The following CHRM3 variants were observed in gnomAD, a reference collection of about 807,000 sequenced individuals.
CHRM3 encodes the protein muscarinic acetylcholine receptor M3.
CHRM3 carries 11 observed loss-of-function variants against 41.8 expected under a neutral mutation model. That is an observed-to-expected ratio of 0.26 (90% CI 0.17 to 0.44). CHRM3 has a LOEUF of 0.44. Among genes scored for constraint, CHRM3 ranks in the 20% least tolerant of loss-of-function variants. The pLI is 1.00. For missense variants in CHRM3, 571 were observed against 745.4 expected, an observed-to-expected ratio of 0.77 and a Z score of 2.72; for synonymous variants, 297 against 301.4, an observed-to-expected ratio of 0.99 and a Z score of 0.15.
chr1:239,834,309 C>G (rs995332756), intron 6 of CHRM3, among the ~76,000 whole-genome samples: 5 of 139,464 alleles, frequency 3.6e-5, no homozygotes, highest in African/African-American at 1.4e-4. Flanking sequence ...CAACTTAATG[C>G]CTTTTTTTTT....
intron 1 of CHRM3, among the ~76,000 whole-genome samples, chr1:239,422,927 G>C (rs1417282487): frequency 6.6e-6 from 1 of 152,178 alleles, no homozygotes; most frequent in African/African-American, 2.4e-5. Context: ...TCACTGGGGA[G>C]ATAGTTTTGC....
intron 4 of CHRM3, among the ~76,000 whole-genome samples, chr1:239,649,821 T>A (rs763126319): frequency 6.6e-6 from 1 of 152,134 alleles, no homozygotes; most frequent in Non-Finnish European, 1.5e-5. Context: ...GGTGAAGAGA[T>A]AAGGATAATC....
chr1:239,645,070 T>C (rs184372326), intron 4 of CHRM3, among the ~76,000 whole-genome samples: 79 of 152,336 alleles, frequency 5.2e-4, no homozygotes, highest in Non-Finnish European at 9.8e-4. Flanking sequence ...AGTCTATGGC[T>C]GGGCACTGAA....
chr1:239,893,546 C>T (rs781122745), intron 6 of CHRM3, among the ~76,000 whole-genome samples: 5 of 152,066 alleles, frequency 3.3e-5, no homozygotes, highest in Non-Finnish European at 5.9e-5. Flanking sequence ...AAGTGGAAAT[C>T]ATAACAGTCC....
intron 5 of CHRM3, chr1:239,707,899 A>G (rs1344287979): frequency 6.6e-6 from 1 of 152,240 alleles, no homozygotes; most frequent in Non-Finnish European, 1.5e-5. Flanking sequence ...TTGGCCTTGA[A>G]ACAATCTTTC....
At chr1:239,434,483 C>T (rs6699243) in intron 1 of CHRM3, among the ~76,000 whole-genome samples, 87,502 of 151,994 alleles carry the variant, frequency 0.58, 25,562 homozygotes, top group African/African-American at 0.64. Context: ...TCCAAGAACA[C>T]TGTGTGCGTG....
chr1:239,507,872 G>T (rs906940182), intron 2 of CHRM3, among the ~76,000 whole-genome samples: 5 of 152,104 alleles, frequency 3.3e-5, no homozygotes, highest in Non-Finnish European at 7.3e-5. Flanking sequence ...TTCTGAAAAT[G>T]TGAGCTTTGT....
chr1:239,611,854 T>C (rs1667115668), intron 3 of CHRM3, among the ~76,000 whole-genome samples: 2 of 152,214 alleles, frequency 1.3e-5, no homozygotes, highest in African/African-American at 4.8e-5. Flanking sequence ...ATATTACCAA[T>C]GTTATAATTA....
intron 1 of CHRM3, among the ~76,000 whole-genome samples, chr1:239,467,146 C>T (rs968752744): frequency 6.6e-6 from 1 of 152,134 alleles, no homozygotes; most frequent in Non-Finnish European, 1.5e-5. Context: ...ACAGTGACCC[C>T]TCACTATAAG....
chr1:239,611,415 A>AG (rs1667017291), intron 3 of CHRM3, among the ~76,000 whole-genome samples: 2 of 112,608 alleles, frequency 1.8e-5, no homozygotes, highest in African/African-American at 3.1e-5. Context: ...TTTGCAAGTG[A>AG]CTTTTTTTTT....
chr1:239,768,157 C>T (rs1171039385), intron 5 of CHRM3, among the ~76,000 whole-genome samples: 3 of 152,146 alleles, frequency 2.0e-5, no homozygotes, highest in Admixed American at 1.3e-4. Context: ...CTTTAATTTG[C>T]TAATATGCAC....
intron 1 of CHRM3, among the ~76,000 whole-genome samples, chr1:239,457,033 ATAGATGAAACAGCTT>A (rs1308025305): frequency 6.6e-6 from 1 of 152,232 alleles, no homozygotes; most frequent in Admixed American, 6.5e-5. Context: ...AGGGAAAGCC[ATAGATGAAACAGCTT>A]GTTGCTGTCA....
At chr1:239,734,527 G>A (rs1155611) in intron 5 of CHRM3, among the ~76,000 whole-genome samples, 61,186 of 151,924 alleles carry the variant, frequency 0.4, 12,640 homozygotes, top group Middle Eastern at 0.51. Flanking sequence ...AAAGAATCAA[G>A]CATTTTTTTT....
intron 1 of CHRM3, among the ~76,000 whole-genome samples, chr1:239,442,023 A>C (rs776715351): frequency 6.6e-6 from 1 of 152,342 alleles, no homozygotes; most frequent in Non-Finnish European, 1.5e-5. Context: ...TAGACCACAT[A>C]CTAATTTTCA....
intron 2 of CHRM3, among the ~76,000 whole-genome samples, chr1:239,530,347 T>C (rs1316072271): frequency 6.6e-6 from 1 of 152,228 alleles, no homozygotes; most frequent in Admixed American, 6.5e-5. Context: ...ACTAATATGA[T>C]ATATTTTTAA....
chr1:239,874,326 T>TATATATATATATATATAC, intron 6 of CHRM3, among the ~76,000 whole-genome samples: 1 of 121,988 alleles, frequency 8.2e-6, no homozygotes, highest in African/African-American at 3.1e-5. Context: ...TATATATATA[T>TATATATATATATATATAC]ACACAGTTGA....
intron 4 of CHRM3, among the ~76,000 whole-genome samples, chr1:239,661,431 G>T (rs930323459): frequency 6.6e-6 from 1 of 152,116 alleles, no homozygotes; most frequent in African/African-American, 2.4e-5. Context: ...TAATGAAATA[G>T]AATGAAATAA....
At chr1:239,388,741 G>A (rs750565108) in intron 1 of CHRM3, among the ~76,000 whole-genome samples, 1 of 152,212 alleles carries the variant, frequency 6.6e-6, no homozygotes, top group Non-Finnish European at 1.5e-5. Context: ...ATATCCCGAA[G>A]TATACATGTG....
At chr1:239,657,866 A>G (rs1227110071) in intron 4 of CHRM3, among the ~76,000 whole-genome samples, 1 of 152,162 alleles carries the variant, frequency 6.6e-6, no homozygotes, top group Non-Finnish European at 1.5e-5. Context: ...TGTAATTAGT[A>G]TAACTACATC....
Sources: allele counts gnomAD v4.1 joint callset (sites outside exome capture counted in the v4.1 genomes callset), GRCh38; gene constraint gnomAD v4.1.1; transcripts MANE v1.5; gene names NCBI Gene and HGNC (gene_info 2026-07-23, HGNC 2026-07-21).